FAT4: variants seen among roughly 807,000 people sequenced by gnomAD.
The protein encoded by FAT4 is protocadherin Fat 4.
Under a neutral mutation model 303.9 loss-of-function variants are expected in FAT4, and 84 were observed. That is an observed-to-expected ratio of 0.28 (90% confidence interval 0.23 to 0.33). The LOEUF (loss-of-function observed/expected upper bound fraction) is 0.33. Among genes scored for constraint, FAT4 ranks in the 10% least tolerant of loss-of-function variants. The pLI, the probability that FAT4 is intolerant of heterozygous loss-of-function variation, is 1.00. For synonymous variants in FAT4, 2,307 were observed against 2,298.8 expected (o/e 1.00, Z -0.10); for missense variants, 6,005 against 6,146.8 (o/e 0.98, Z 0.77).
rs1726089161 is a variant in FAT4, at chr4:125,451,834, C to T, written c.10824C>T (p.Asp3608=). The T allele has an allele frequency of 6.2e-7, 1 of 1,614,078 alleles. No individual in the cohort carries two copies. Residue 3608 remains aspartate (D), a synonymous_variant, in exon 10 of 18, where the codon GAC becomes GAT. Coordinates refer to ENST00000394329, the MANE Select transcript of FAT4 (RefSeq NM_001291303.3). The stretch of plus-strand genomic sequence containing the variant: ...GAACTGTGCATATCACAGTTATAGA[C>T]CAAAATGACAATCCTTCACAGTCTC... The part of the protein sequence containing the change: ...STGTVHITVI[D]QNDNPSQSRT...
intron 7 of FAT4, among the ~76,000 whole-genome samples, chr4:125,420,580 G>T (rs1735249942): frequency 6.6e-6 from 1 of 152,086 alleles, no homozygotes; most frequent in Admixed American, 6.5e-5. Context: ...AGAAGTTTTT[G>T]CTACATTGGC....
At chr4:125,482,147 T>C (rs1172939425) in intron 16 of FAT4, among the ~76,000 whole-genome samples, 1 of 152,198 alleles carries the variant, frequency 6.6e-6, no homozygotes, top group Non-Finnish European at 1.5e-5. Context: ...TATATGTCAA[T>C]TGACAGGATT....
intron 16 of FAT4, among the ~76,000 whole-genome samples, chr4:125,486,669 A>G (rs1160967046): frequency 2.0e-5 from 3 of 152,186 alleles, no homozygotes; most frequent in Admixed American, 6.5e-5. Context: ...CTGTTACCCA[A>G]TGTTCTCCTG....
intron 3 of FAT4, among the ~76,000 whole-genome samples, chr4:125,405,693 G>A (rs968055894): frequency 3.3e-5 from 5 of 151,076 alleles, no homozygotes; most frequent in East Asian, 2.0e-4. Context: ...TAGTAGAGAC[G>A]GGGTTTCACT....
intron 7 of FAT4, among the ~76,000 whole-genome samples, chr4:125,432,156 G>A (rs1395235): frequency 0.99 from 150,839 of 152,254 alleles, 74,734 homozygotes; most frequent in East Asian, 1. Flanking sequence ...CAGCGACAGA[G>A]CTGCTTGTCC....
chr4:125,368,884 A>T (rs952500907), intron 2 of FAT4, among the ~76,000 whole-genome samples: 4 of 152,136 alleles, frequency 2.6e-5, no homozygotes, highest in African/African-American at 9.7e-5. Flanking sequence ...GAAGGAATTT[A>T]AAGTTTCATC....
chr4:125,383,539 T>C (rs1348534450), intron 2 of FAT4, among the ~76,000 whole-genome samples: 1 of 137,282 alleles, frequency 7.3e-6, no homozygotes, highest in Non-Finnish European at 1.7e-5. Flanking sequence ...TGAAAAAGTT[T>C]GATGTATTGT....
At chr4:125,447,025 T>C (rs1725850237) in intron 9 of FAT4, among the ~76,000 whole-genome samples, 1 of 152,116 alleles carries the variant, frequency 6.6e-6, no homozygotes, top group African/African-American at 2.4e-5. Flanking sequence ...AAAAGTTTAA[T>C]AAATGGATAA....
chr4:125,483,626 A>AT (rs1243561100), intron 16 of FAT4, among the ~76,000 whole-genome samples: 2 of 152,116 alleles, frequency 1.3e-5, no homozygotes, highest in African/African-American at 4.8e-5. Flanking sequence ...CAATAACTTA[A>AT]TTTTTTTCCT....
rs755144286 is a variant in FAT4 at position 125,491,778 on chromosome 4, A to G, written c.*10A>G. On this transcript the variant is annotated 3_prime_UTR_variant, in exon 18 of 18. Coordinates refer to ENST00000394329, the MANE Select transcript of FAT4 (RefSeq NM_001291303.3). The stretch of plus-strand genomic sequence containing the variant: ...AGAACAGTATGTGTGAAGTTTATGT[A>G]CTGGCACTATAAAATATAAAAACAA... The G allele has an allele frequency of 1.9e-6, 3 of 1,585,820 alleles. No homozygotes were observed. The South Asian group carries it at 3.5e-5, about 18-fold the overall frequency.
chr4:125,392,622 C>A lies in FAT4; in HGVS notation c.5176-6162C>A, dbSNP rs549491338. ...GTAATACATACCTATTGTCTTTCTG[C>A]TGAATGTCTGTTTTCCAGTGGCATT... On this transcript the variant is annotated intron_variant, in intron 2 of 17. Coordinates refer to ENST00000394329, the MANE Select transcript of FAT4 (RefSeq NM_001291303.3). 3.3e-5 allele frequency among the ~76,000 whole-genome samples: 5 copies of A among 152,210 alleles called. No homozygotes were observed. The South Asian group carries it at 1.0e-3, about 32-fold the overall frequency.
At chr4:125,383,928 A>T (rs1030049919) in intron 2 of FAT4, among the ~76,000 whole-genome samples, 1 of 152,208 alleles carries the variant, frequency 6.6e-6, no homozygotes, top group Non-Finnish European at 1.5e-5. Context: ...GAAAAAGTCT[A>T]TCATTGTCAC....
At chr4:125,439,521 A>G (rs1725576411) in intron 8 of FAT4, among the ~76,000 whole-genome samples, 1 of 147,936 alleles carries the variant, frequency 6.8e-6, no homozygotes, top group South Asian at 2.1e-4. Context: ...TTGTATTTTT[A>G]GTAGAGATGG....
rs774282848 is a variant in FAT4, at chr4:125,451,323, G to A, written c.10313G>A (p.Ser3438Asn). The A allele has an allele frequency of 1.9e-6, 3 of 1,614,134 alleles. No homozygotes were observed. Among genetic ancestry groups the A allele is most frequent in the East Asian group, 4.5e-5 (2 of 44,860 alleles). ...GCCTTTGACTCAGACTCCATCCCCA[G>A]CTGGAGCAGGTTTTCTTACTTCATC... ...VSAFDSDSIP[S>N]WSRFSYFIGS... is the part of the protein sequence containing the mutation. Residue 3438 changes from serine (S) to asparagine (N), a missense_variant, in exon 10 of 18, where the codon AGC (serine) becomes AAC (asparagine). By Grantham distance (46) the Ser-to-Asn change is conservative. Transcript: ENST00000394329.
At position 125,319,508 on chromosome 4, in the gene FAT4, T is replaced by C; in HGVS notation, c.3097T>C (p.Tyr1033His). 6.2e-7 allele frequency: 1 copy of C among 1,614,126 alleles called. No individual in the cohort carries two copies. The highest frequency in any genetic ancestry group is 8.5e-7 in the Non-Finnish European group (1 of 1,179,970). ...KDSGANGEIA[Y>H]TIAEGNTGDA... ...TTCAGGAGCAAATGGTGAAATTGCA[T>C]ACACCATTGCTGAAGGAAATACAGG... Residue 1033 changes from tyrosine to histidine, a missense_variant, in exon 2 of 18, where the codon TAC becomes CAC. Coordinates refer to ENST00000394329, the MANE Select transcript of FAT4 (RefSeq NM_001291303.3).
At position 125,319,537 on chromosome 4, in the gene FAT4, T is replaced by G. The variant is rs201833955; in HGVS notation, c.3126T>G (p.Asp1042Glu). 1 of 1,614,208 alleles carries G rather than the reference T, an allele frequency of 6.2e-7. No individual in the cohort carries two copies. Among genetic ancestry groups the G allele is most frequent in the African/African-American group, 1.3e-5 (1 of 75,054 alleles). The change falls in exon 2 of 18, where the codon GAT becomes GAG. Residue 1042 changes from aspartate (D) to glutamate (E), a missense_variant. Asp to Glu is a conservative substitution (Grantham distance 45). Transcript: ENST00000394329. ...CCATTGCTGAAGGAAATACAGGGGA[T>G]GCTTTTGGCATATTCCCAGATGGTC... ...AYTIAEGNTG[D>E]AFGIFPDGQL...
intron 2 of FAT4, among the ~76,000 whole-genome samples, chr4:125,398,213 G>A: frequency 6.6e-6 from 1 of 152,094 alleles, no homozygotes; most frequent in East Asian, 1.9e-4. Flanking sequence ...TGATGGCTTA[G>A]CTTTAGTCAC....
In FAT4 at chr4:125,430,990, G is replaced by A. The variant is rs145016593; in HGVS notation, c.7019-3255G>A. The stretch of plus-strand genomic sequence containing the variant: ...CTGTAAGCTTTCCTTGATAAACAGG[G>A]CTCATTTTTTACTCCCCCCAGCATT... On this transcript the variant is annotated intron_variant, in intron 7 of 17. Transcript: ENST00000394329. 2.4e-3 allele frequency among the ~76,000 whole-genome samples: 367 copies of A among 152,166 alleles called. 4 individuals carry two copies. Among genetic ancestry groups the A allele is most frequent in the Admixed American group, 8.1e-3 (124 of 15,292 alleles).
At chr4:125,485,871 T>G (rs1050106780) in intron 16 of FAT4, among the ~76,000 whole-genome samples, 1 of 152,146 alleles carries the variant, frequency 6.6e-6, no homozygotes, top group Non-Finnish European at 1.5e-5. Context: ...CAATAATAAT[T>G]TTTCAGCTCC....
Sources: gnomAD v4.1 joint callset for allele counts (sites outside exome capture counted in the v4.1 genomes callset) on GRCh38, gnomAD v4.1.1 for gene constraint, MANE v1.5 for transcripts, NCBI Gene and HGNC (gene_info 2026-07-23, HGNC 2026-07-21) for gene names.